EPHA6: variants seen among roughly 807,000 people sequenced by gnomAD.
The protein encoded by EPHA6 is ephrin type-A receptor 6.
EPHA6 carries 50 observed loss-of-function variants against 112.0 expected under a neutral mutation model. The observed-to-expected ratio is 0.45, with a 90% CI of 0.36 to 0.56. The LOEUF (loss-of-function observed/expected upper bound fraction) is 0.56, where lower values mean the gene tolerates loss of function less well. Among genes scored for constraint, EPHA6 ranks in the 20% least tolerant of loss-of-function variants. EPHA6 has a pLI of 0.00. For missense variants in EPHA6, 1,280 were observed against 1,417.4 expected (o/e 0.90, Z 1.56); for synonymous variants, 529 against 490.7 (o/e 1.08, Z -1.03).
At chr3:97,027,984 C>T (rs986290348) in intron 3 of EPHA6, among the ~76,000 whole-genome samples, 2 of 152,182 alleles carry the variant, frequency 1.3e-5, no homozygotes, top group African/African-American at 4.8e-5. Context: ...CCCTTTAAAA[C>T]TGTCAATAGC....
intron 2 of EPHA6, among the ~76,000 whole-genome samples, chr3:96,951,732 C>A (rs1487451525): frequency 1.3e-5 from 2 of 152,080 alleles, no homozygotes; most frequent in East Asian, 3.9e-4. Context: ...TGGATTAAAT[C>A]ATATCTTTTG....
At chr3:97,585,606 AT>A (rs1001579247) in intron 11 of EPHA6, among the ~76,000 whole-genome samples, 1 of 151,906 alleles carries the variant, frequency 6.6e-6, no homozygotes, top group Non-Finnish European at 1.5e-5. Context: ...TACCTGAAGG[AT>A]TTTTTTAAGT....
Position 97,723,924 on chromosome 3 carries a change from C to CT in EPHA6, c.2934+3514_2934+3515insT, listed in dbSNP as rs1195231810. 3.9e-5 allele frequency among the ~76,000 whole-genome samples: 6 copies of CT among 152,260 alleles called. No homozygotes were observed. The East Asian group carries it at 1.2e-3, about 29-fold the overall frequency. On this transcript the variant is annotated intron_variant, in intron 15 of 17. Transcript: ENST00000389672. The stretch of plus-strand genomic sequence containing the variant: ...AGAAATAGCTTAATCAAAAACTTCC[C>CT]AGCTGCTCTTTCCAAATACTGGCTA...
intron 13 of EPHA6, among the ~76,000 whole-genome samples, chr3:97,627,301 T>C (rs1046563800): frequency 6.6e-6 from 1 of 151,764 alleles, no homozygotes; most frequent in African/African-American, 2.4e-5. Flanking sequence ...GCAAAATATA[T>C]GGTAAGTCAG....
intron 3 of EPHA6, among the ~76,000 whole-genome samples, chr3:97,065,847 T>G (rs2046160082): frequency 6.6e-6 from 1 of 152,040 alleles, no homozygotes; most frequent in Non-Finnish European, 1.5e-5. Flanking sequence ...AAAGTTTAAT[T>G]TTTAAAGAAA....
At chr3:97,492,528 C>G (rs1167971583) in intron 10 of EPHA6, among the ~76,000 whole-genome samples, 1 of 95,140 alleles carries the variant, frequency 1.1e-5, no homozygotes, top group South Asian at 4.1e-4. Flanking sequence ...GGTGACAGAG[C>G]GAGAGTGAGA....
chr3:97,059,435 G>T lies in EPHA6; in HGVS notation c.1114+71442G>T, dbSNP rs185506127. Reference sequence around the variant, plus strand: ...AAGTGTAACACACATTGAAATTCCTGCAAGATGTTTGACTAGTATAGGATT... The same window carrying T: ...AAGTGTAACACACATTGAAATTCCTTCAAGATGTTTGACTAGTATAGGATT... On this transcript the variant is annotated intron_variant, in intron 3 of 17. Transcript: ENST00000389672. Among the ~76,000 whole-genome samples the T allele has an allele frequency of 2.9e-3, 443 of 152,096 alleles. 3 individuals are homozygous for T. Among genetic ancestry groups the T allele is most frequent in the African/African-American group, 9.6e-3 (400 of 41,502 alleles).
At chr3:96,838,672 C>G (rs536886033) in intron 1 of EPHA6, among the ~76,000 whole-genome samples, 1 of 151,916 alleles carries the variant, frequency 6.6e-6, no homozygotes, top group Non-Finnish European at 1.5e-5. Context: ...ATAAAAACTT[C>G]TTAGTATTTC....
chr3:96,861,806 A>T (rs920581337), intron 1 of EPHA6, among the ~76,000 whole-genome samples: 15 of 152,160 alleles, frequency 9.9e-5, no homozygotes, highest in Middle Eastern at 3.4e-3. Context: ...GGTTCTAGAT[A>T]AAAGTAGCTT....
intron 5 of EPHA6, among the ~76,000 whole-genome samples, chr3:97,361,438 A>G (rs1232759762): frequency 6.6e-6 from 1 of 152,204 alleles, no homozygotes; most frequent in African/African-American, 2.4e-5. Context: ...TGAATCATAC[A>G]GTTCGGCTTG....
chr3:96,924,619 C>A (rs1307991840), intron 2 of EPHA6, among the ~76,000 whole-genome samples: 1 of 151,922 alleles, frequency 6.6e-6, no homozygotes, highest in East Asian at 1.9e-4. Flanking sequence ...TCTCTGAATA[C>A]CCTTTATTTT....
intron 3 of EPHA6, among the ~76,000 whole-genome samples, chr3:97,034,197 C>G (rs2044992161): frequency 1.3e-5 from 2 of 151,802 alleles, no homozygotes; most frequent in Non-Finnish European, 2.9e-5. Context: ...TCAAATTATT[C>G]TGATAAAAAT....
intron 11 of EPHA6, among the ~76,000 whole-genome samples, chr3:97,591,124 C>T (rs1193949755): frequency 2.0e-5 from 3 of 152,180 alleles, no homozygotes; most frequent in African/African-American, 7.2e-5. Flanking sequence ...ATAAAATCAA[C>T]AACAAAACTA....
intron 1 of EPHA6, among the ~76,000 whole-genome samples, chr3:96,819,690 A>C (rs544706148): frequency 6.6e-6 from 1 of 152,286 alleles, no homozygotes; most frequent in South Asian, 2.1e-4. Context: ...AATTTAATAC[A>C]GGATCAAATT....
rs1324173811 is a variant in EPHA6 at position 96,910,191 on chromosome 3, T to C, written c.450+43302T>C. ...TAAGACAAGACAGGGCATTGTGTTATGGTTAAATTTTTTAACAGCAACAAC... is the reference window on the plus strand; with the variant it reads ...TAAGACAAGACAGGGCATTGTGTTACGGTTAAATTTTTTAACAGCAACAAC... On this transcript the variant is annotated intron_variant, in intron 2 of 17. Coordinates refer to ENST00000389672, the MANE Select transcript of EPHA6 (RefSeq NM_001080448.3). Among the ~76,000 whole-genome samples the C allele has an allele frequency of 2.6e-5, 4 of 152,200 alleles. No individual in the cohort carries two copies. In the East Asian group the frequency reaches 7.7e-4, roughly 29 times the overall value.
chr3:96,979,492 A>G (rs2042669479), intron 2 of EPHA6, among the ~76,000 whole-genome samples: 1 of 152,132 alleles, frequency 6.6e-6, no homozygotes, highest in Non-Finnish European at 1.5e-5. Flanking sequence ...GCTATTGTGA[A>G]TAGTGCCACA....
rs750124263 is a variant in EPHA6, at chr3:97,244,352, A to G, written c.1606+65A>G. 7.5e-6 allele frequency: 10 copies of G among 1,340,586 alleles called. No homozygotes were observed. The African/African-American group carries it at 1.3e-4, about 17-fold the overall frequency. 83.0% of individuals were successfully genotyped at this position (1,340,586 alleles called of 1,614,324 possible). A position where few individuals can be genotyped will look rare whatever the true frequency, so the allele number is the denominator to read the frequency against. On this transcript the variant is annotated intron_variant, in intron 5 of 17. Transcript: ENST00000389672. ...TTCTTTTGATGCATAAATATCCCTC[A>G]TGGGCATGTATTTATTGCAGGTGCT...
At chr3:97,593,246 A>C (rs1433791606) in intron 12 of EPHA6, among the ~76,000 whole-genome samples, 1 of 152,238 alleles carries the variant, frequency 6.6e-6, no homozygotes, top group Non-Finnish European at 1.5e-5. Context: ...TTCCCTAAAA[A>C]TGCCAATCTG....
At chr3:96,834,252 GA>G (rs1283438950) in intron 1 of EPHA6, among the ~76,000 whole-genome samples, 3 of 151,900 alleles carry the variant, frequency 2.0e-5, no homozygotes, top group African/African-American at 7.2e-5. Flanking sequence ...AAAAATGAAA[GA>G]AAAATGTGAT....
Sources: gnomAD v4.1 joint callset for allele counts (sites outside exome capture counted in the v4.1 genomes callset) on GRCh38, gnomAD v4.1.1 for gene constraint, MANE v1.5 for transcripts, NCBI Gene and HGNC (gene_info 2026-07-23, HGNC 2026-07-21) for gene names.